The following FICD variants were observed in gnomAD, a reference collection of about 807,000 sequenced individuals.
The protein encoded by FICD is FIC domain protein adenylyltransferase, also known as protein adenylyltransferase FICD.
In FICD, 13 loss-of-function variants were observed where a neutral mutation model predicts 28.0. The observed-to-expected ratio is 0.46, with a 90% CI of 0.30 to 0.74. The LOEUF (loss-of-function observed/expected upper bound fraction) is 0.74. Ranked by LOEUF, FICD falls within the 30% of genes least tolerant of loss-of-function variation. The probability of loss-of-function intolerance (pLI) is 0.07; values close to 1 mark genes in which losing one functional copy is unlikely to be tolerated. For synonymous variants in FICD, 268 were observed against 266.4 expected, an observed-to-expected ratio of 1.01 and a Z score of -0.06; for missense variants, 576 against 624.5, an observed-to-expected ratio of 0.92 and a Z score of 0.83.
rs565742407 is a variant in FICD, at chr12:108,519,128, A to G, written c.1030A>G (p.Met344Val). The G allele has an allele frequency of 2.9e-5, 47 of 1,614,254 alleles. No individual in the cohort carries two copies. In the South Asian group the frequency reaches 5.0e-4, roughly 17 times the overall value. Residue 344 changes from methionine to valine, a missense_variant, in exon 3 of 3, where the codon ATG becomes GTG. Coordinates refer to ENST00000552695, the MANE Select transcript of FICD (RefSeq NM_007076.3). This position sits in a 1 kb window ranked among gnomAD's most constrained non-coding sequence, Gnocchi z 4.5. ...ACAGTGGCTCAACTCCGAGGAAGCC[A>G]TGAACCTGCACCCAGTGGAGTTTGC... ...FVQWLNSEEA[M>V]NLHPVEFAAL...
At position 108,517,173 on chromosome 12, in the gene FICD, G is replaced by C; in HGVS notation, c.201G>C (p.Arg67Ser). 1 of 1,599,196 alleles carries C rather than the reference G, an allele frequency of 6.3e-7. No individual in the cohort carries two copies. ...ACCTGCTCAGGAGCAAACCGGACAG[G>C]GCGCAGCATGCCGCCACCAAGTGCA... Reference protein sequence around the residue: ...GLYLLRSKPDRAQHAATKCTS... With the variant: ...GLYLLRSKPDSAQHAATKCTS... The change falls in exon 2 of 3, where the codon AGG becomes AGC. Residue 67 changes from arginine to serine, a missense_variant. Physicochemically the swap from Arg to Ser is moderately radical, Grantham distance 110. Coordinates refer to ENST00000552695, the MANE Select transcript of FICD (RefSeq NM_007076.3).
intron 2 of FICD, chr12:108,517,997 T>G (rs1023574289): frequency 3.4e-5 from 22 of 641,958 alleles, no homozygotes; most frequent in African/African-American, 2.5e-4. Flanking sequence ...CAGGAACCTG[T>G]GTCACCAGCA....
chr12:108,517,302 GCT>G (rs750303741), intron 2 of FICD, 29 bp downstream of exon 2: 14 of 1,467,374 alleles, frequency 9.5e-6, no homozygotes, highest in Non-Finnish European at 1.3e-5. Flanking sequence ...CTTCCTCAAT[GCT>G]TGTTAACTGG....
Position 108,516,967 on chromosome 12 carries a change from G to C in FICD, c.-6G>C. On this transcript the variant is annotated 5_prime_UTR_variant, in exon 2 of 3. Coordinates refer to ENST00000552695, the MANE Select transcript of FICD (RefSeq NM_007076.3). ...ACATGCGCAAAGGGCCCTCTCCTGA[G>C]TCCAGATGATGCTCATACCAATGGC... 6.7e-7 allele frequency: 1 copy of C among 1,483,278 alleles called. No individual in the cohort carries two copies. The highest frequency in any genetic ancestry group is 9.0e-7 in the Non-Finnish European group (1 of 1,108,258). The allele number at this position is 1,483,278 out of a possible 1,614,324, so 91.9% of individuals were successfully genotyped here.
At chr12:108,516,773 G>A (rs1871920060) in intron 1 of FICD, 142 bp from the exon 2 acceptor site, 2 of 429,572 alleles carry the variant, frequency 4.7e-6, no homozygotes, top group Admixed American at 8.5e-5. Context: ...CCCTCCTCTA[G>A]TGAGATCCAG....
rs376466850 is a variant in FICD, at chr12:108,518,223, C to A, written c.302-177C>A. On this transcript the variant is annotated intron_variant, in intron 2 of 2. Transcript: ENST00000552695. This position sits in a 1 kb window ranked among gnomAD's most constrained non-coding sequence, Gnocchi z 4.4. ...GCATACCACCACACGGCTGGGGCAA[C>A]AGAGTGGTACCGGGCATGTTGAGTA... The A allele has an allele frequency of 1.1e-5, 8 of 706,714 alleles. No individual in the cohort carries two copies. Among genetic ancestry groups the A allele is most frequent in the Non-Finnish European group, 1.8e-5 (7 of 388,328 alleles). The allele number at this position is 706,714 out of a possible 1,614,324, so 43.8% of individuals were successfully genotyped here. A position where few individuals can be genotyped will look rare whatever the true frequency, so the allele number is the denominator to read the frequency against.
chr12:108,520,369 G>A lies in FICD; in HGVS notation c.*894G>A, dbSNP rs1320788120. On this transcript the variant is annotated 3_prime_UTR_variant, in exon 3 of 3. Transcript: ENST00000552695. ...CTGCCTGAGTTTTCTGTAGGCAGAT[G>A]TTAACCTGAGAAAACAAGTGCCATG... The A allele has an allele frequency of 6.6e-6, 1 of 152,166 alleles. No homozygotes were observed. The highest frequency in any genetic ancestry group is 2.4e-5 in the African/African-American group (1 of 41,432). 9.4% of individuals were successfully genotyped at this position (152,166 alleles called of 1,614,324 possible). A position where few individuals can be genotyped will look rare whatever the true frequency, so the allele number is the denominator to read the frequency against.
Position 108,519,027 on chromosome 12 carries a change from G to C in FICD, c.929G>C (p.Arg310Pro). The C allele has an allele frequency of 6.2e-7, 1 of 1,614,192 alleles. No homozygotes were observed. The highest frequency in any genetic ancestry group is 8.5e-7 in the Non-Finnish European group (1 of 1,180,038). ...GACCCCGTGGAAGCCGGCAGGTTTC[G>C]GACAACACAGGTCCTGGTCGGACAC... is the stretch of plus-strand genomic sequence containing the variant. ...YVDPVEAGRF[R>P]TTQVLVGHHI... The change falls in exon 3 of 3, where the codon CGG (arginine) becomes CCG (proline). Residue 310 changes from arginine (R) to proline (P), a missense_variant. Transcript: ENST00000552695. This position sits in a 1 kb window ranked among gnomAD's most constrained non-coding sequence, Gnocchi z 4.5.
Position 108,517,936 on chromosome 12 carries a change from C to T in FICD, c.302-464C>T, listed in dbSNP as rs543687918. Among the ~76,000 whole-genome samples, 15 of 152,266 alleles carry T rather than the reference C, an allele frequency of 9.9e-5. No individual in the cohort carries two copies. The South Asian group carries it at 2.7e-3, about 27-fold the overall frequency. On this transcript the variant is annotated intron_variant, in intron 2 of 2. Transcript: ENST00000552695. ...AACAGTCCCGGGATGGTTGACGCCC[C>T]CAGGGTCTAGGAAGAGTGGGGAGTT...
chr12:108,519,290 GACT>G lies in FICD; in HGVS notation c.1198_1200del (p.Tyr400del), dbSNP rs1565853305. 5 of 1,614,238 alleles carry G rather than the reference GACT, an allele frequency of 3.1e-6. No individual in the cohort carries two copies. The highest frequency in any genetic ancestry group is 3.3e-5 in the Admixed American group (2 of 60,034). On this transcript the variant is annotated inframe_deletion, in exon 3 of 3. Transcript: ENST00000552695. The surrounding 1 kb of genome is among the most constrained non-coding windows in gnomAD (Gnocchi z 4.5). ...CACCATCCGCAAGGAGCAGCGGTCC[GACT>G]ACTACCACGTGTTGGAAGCTGCCAA... is the stretch of plus-strand genomic sequence containing the variant.
At position 108,516,913 on chromosome 12, in the gene FICD, A is replaced by T; in HGVS notation, c.-58-2A>T. 7.3e-7 allele frequency: 1 copy of T among 1,377,286 alleles called. No individual in the cohort carries two copies. The highest frequency in any genetic ancestry group is 1.5e-5 in the African/African-American group (1 of 68,648). The allele number at this position is 1,377,286 out of a possible 1,614,324, so 85.3% of individuals were successfully genotyped here. On this transcript the variant is annotated splice_acceptor_variant, in intron 1 of 2. Coordinates refer to ENST00000552695, the MANE Select transcript of FICD (RefSeq NM_007076.3). LOFTEE classifies it low-confidence loss of function (5UTR_SPLICE). ...TCTCCTGCGACTCTTGGCTCCTTGC[A>T]GATCCTGCTCTCTCTCAGCCGCCTG... is the stretch of plus-strand genomic sequence containing the variant.
In FICD at chr12:108,518,391, C is replaced by T; in HGVS notation, c.302-9C>T. On this transcript the variant is annotated splice_polypyrimidine_tract_variant and intron_variant, in intron 2 of 2. Transcript: ENST00000552695. This position sits in a 1 kb window ranked among gnomAD's most constrained non-coding sequence, Gnocchi z 4.4. ...CCTCCCTCACAGCGCTTCTTTGGCT[C>T]TCTTCCAGCGGGTAAGTTGGAAGCC... 1 of 1,612,690 alleles carries T rather than the reference C, an allele frequency of 6.2e-7. No individual in the cohort carries two copies. The highest frequency in any genetic ancestry group is 1.1e-5 in the South Asian group (1 of 91,044).
chr12:108,518,557 CAAG>C lies in FICD; in HGVS notation c.460_462del (p.Lys154del). On this transcript the variant is annotated inframe_deletion, in exon 3 of 3. Coordinates refer to ENST00000552695, the MANE Select transcript of FICD (RefSeq NM_007076.3). The surrounding 1 kb of genome is among the most constrained non-coding windows in gnomAD (Gnocchi z 4.4). ...AGTTTGGCATCTTCTCGGAAGAAGA[CAAG>C]GACATCATCCAGGCGGACTACTTGT... is the stretch of plus-strand genomic sequence containing the variant. 6.2e-7 allele frequency: 1 copy of C among 1,614,220 alleles called. No individual in the cohort carries two copies. Among genetic ancestry groups the C allele is most frequent in the Non-Finnish European group, 8.5e-7 (1 of 1,180,038 alleles).
rs1872070182 is a variant in FICD, at chr12:108,520,338, A to G, written c.*863A>G. 1 of 152,036 alleles carries G rather than the reference A, an allele frequency of 6.6e-6. No individual in the cohort carries two copies. Among genetic ancestry groups the G allele is most frequent in the Non-Finnish European group, 1.5e-5 (1 of 68,006 alleles). 9.4% of individuals were successfully genotyped at this position (152,036 alleles called of 1,614,324 possible). The stretch of plus-strand genomic sequence containing the variant: ...GTTATGCTAGTAGGCATCTGCCCTC[A>G]CCCCTCTGCCTGAGTTTTCTGTAGG... On this transcript the variant is annotated 3_prime_UTR_variant, in exon 3 of 3. Transcript: ENST00000552695.
chr12:108,516,304 G>A (rs1447811202), intron 1 of FICD, among the ~76,000 whole-genome samples: 1 of 152,228 alleles, frequency 6.6e-6, no homozygotes, highest in Non-Finnish European at 1.5e-5. Flanking sequence ...ATATCAGGGT[G>A]AGGGCAATAA....
Position 108,519,942 on chromosome 12 carries a change from T to G in FICD, c.*467T>G, listed in dbSNP as rs912906601. ...CCAAGTCGCAGCTGAGAGAAATGGT[T>G]GAAAGCTCACTTTCTCAAGGTTTAG... On this transcript the variant is annotated 3_prime_UTR_variant, in exon 3 of 3. Transcript: ENST00000552695. The surrounding 1 kb of genome is among the most constrained non-coding windows in gnomAD (Gnocchi z 4.5). 1.3e-5 allele frequency: 2 copies of G among 153,854 alleles called. No individual in the cohort carries two copies. The highest frequency in any genetic ancestry group is 2.9e-5 in the Non-Finnish European group (2 of 69,226). The allele number at this position is 153,854 out of a possible 1,614,324, so 9.5% of individuals were successfully genotyped here.
chr12:108,517,661 G>A (rs930820944), intron 2 of FICD, among the ~76,000 whole-genome samples: 9 of 152,192 alleles, frequency 5.9e-5, no homozygotes, highest in African/African-American at 1.9e-4. Context: ...GTGTGGGGCT[G>A]ATCCTCAGGT....
Position 108,519,362 on chromosome 12 carries a change from A to G in FICD, c.1264A>G (p.Thr422Ala), listed in dbSNP as rs1240781575. The G allele has an allele frequency of 6.2e-7, 1 of 1,614,144 alleles. No individual in the cohort carries two copies. Among genetic ancestry groups the G allele is most frequent in the South Asian group, 1.1e-5 (1 of 91,084 alleles). The part of the protein sequence containing the change: ...RPFIRFIAKC[T>A]ETTLDTLLFA... ...TTTCATTCGCTTCATCGCCAAGTGT[A>G]CTGAGACCACCCTGGACACCCTGCT... The change falls in exon 3 of 3, where the codon ACT becomes GCT. Residue 422 changes from threonine (T) to alanine (A), a missense_variant. Transcript: ENST00000552695. This position sits in a 1 kb window ranked among gnomAD's most constrained non-coding sequence, Gnocchi z 4.5.
chr12:108,519,406 C>T lies in FICD; in HGVS notation c.1308C>T (p.Tyr436=). Residue 436 remains tyrosine (Y), a synonymous_variant, in exon 3 of 3, where the codon TAC becomes TAT. Coordinates refer to ENST00000552695, the MANE Select transcript of FICD (RefSeq NM_007076.3). This position sits in a 1 kb window ranked among gnomAD's most constrained non-coding sequence, Gnocchi z 4.5. ...CCCTGCTTTTTGCCACAACTGAGTACTCGGTGGCACTGCCAGAAGCCCAAC... is the reference window on the plus strand; with the variant it reads ...CCCTGCTTTTTGCCACAACTGAGTATTCGGTGGCACTGCCAGAAGCCCAAC... ...LDTLLFATTE[Y]SVALPEAQPN... 1.2e-6 allele frequency: 2 copies of T among 1,614,122 alleles called. No homozygotes were observed. The highest frequency in any genetic ancestry group is 8.5e-7 in the Non-Finnish European group (1 of 1,180,014).
Sources: gnomAD v4.1 joint callset for allele counts (sites outside exome capture counted in the v4.1 genomes callset) on GRCh38, gnomAD v4.1.1 for gene constraint, Gnocchi (gnomAD v3.1) non-coding constraint, MANE v1.5 for transcripts, NCBI Gene and HGNC (gene_info 2026-07-23, HGNC 2026-07-21) for gene names.